The following CASD1 variants were observed in gnomAD, a reference collection of about 807,000 sequenced individuals.
CASD1 encodes N-acetylneuraminate (7)9-O-acetyltransferase.
Under a neutral mutation model 100.0 loss-of-function variants are expected in CASD1, and 41 were observed. The observed-to-expected ratio is 0.41, with a 90% CI of 0.32 to 0.53. CASD1 has a LOEUF of 0.53. Ranked by LOEUF, CASD1 falls within the 20% of genes least tolerant of loss-of-function variation. The probability of loss-of-function intolerance (pLI) is 0.25; values close to 1 mark genes in which losing one functional copy is unlikely to be tolerated. For missense variants in CASD1, 774 were observed against 948.7 expected, an observed-to-expected ratio of 0.82 and a Z score of 2.42; for synonymous variants, 321 against 315.6, an observed-to-expected ratio of 1.02 and a Z score of -0.18.
At chr7:94,629,647 A>G in the CASD1 span, 4 of 1,275,556 alleles carry the variant, frequency 3.1e-6, no homozygotes, top group Non-Finnish European at 4.6e-6. Flanking sequence ...TTTATCATAT[A>G]TGTCTATATT....
At chr7:94,598,889 A>G in the CASD1 span, 2 of 1,613,048 alleles carry the variant, frequency 1.2e-6, no homozygotes, top group East Asian at 2.2e-5. Flanking sequence ...GGGCCATGCT[A>G]TCTCTCTATT....
rs1330723435 is a variant in CASD1 at position 94,510,031 on chromosome 7, T to TGTGCGGCGCCCCTTTCCCG, written c.-53_-35dup. On this transcript the variant is annotated 5_prime_UTR_variant, in exon 1 of 18. Coordinates refer to ENST00000297273, the MANE Select transcript of CASD1 (RefSeq NM_022900.5). ...GCGGCGGCAGCCCCAGTGCTGCCCC[T>TGTGCGGCGCCCCTTTCCCG]GTGCGGCGCCCCTTTCCCGCTCCGC... 1.5e-5 allele frequency: 22 copies of TGTGCGGCGCCCCTTTCCCG among 1,452,602 alleles called. No individual in the cohort carries two copies. In the African/African-American group the frequency reaches 2.8e-4, roughly 19 times the overall value. The allele number at this position is 1,452,602 out of a possible 1,614,324, so 90.0% of individuals were successfully genotyped here.
the CASD1 span, chr7:94,628,267 A>G: frequency 2.5e-6 from 4 of 1,611,868 alleles, no homozygotes; most frequent in Non-Finnish European, 2.5e-6. Context: ...CCATCACTAT[A>G]TGGTGTCCTT....
the CASD1 span, among the ~76,000 whole-genome samples, chr7:94,573,923 G>A: frequency 6.6e-6 from 1 of 152,114 alleles, no homozygotes; most frequent in African/African-American, 2.4e-5. Flanking sequence ...AGTTTATTGG[G>A]AGTTTTTAAT....
chr7:94,574,174 T>G, the CASD1 span, among the ~76,000 whole-genome samples: 1 of 152,212 alleles, frequency 6.6e-6, no homozygotes, highest in African/African-American at 2.4e-5. Context: ...TCAAGGATAT[T>G]GGCCTGCAGT....
At chr7:94,628,134 C>A in the CASD1 span, 42 of 1,075,512 alleles carry the variant, frequency 3.9e-5, no homozygotes, top group Middle Eastern at 4.9e-4. Context: ...ACTCAAATTA[C>A]AATACACACA....
At chr7:94,630,650 C>A in the CASD1 span, among the ~76,000 whole-genome samples, 35 of 151,840 alleles carry the variant, frequency 2.3e-4, no homozygotes, top group Middle Eastern at 6.3e-3. Flanking sequence ...ATTGTTTTTG[C>A]TCTGATAGCA....
At position 94,539,668 on chromosome 7, in the gene CASD1, C is replaced by CAAAAAAAA. The variant is rs71120400; in HGVS notation, c.1356+621_1356+628dup. Among the ~76,000 whole-genome samples, 5 of 119,746 alleles carry CAAAAAAAA rather than the reference C, an allele frequency of 4.2e-5. 2 individuals are homozygous for CAAAAAAAA. Among genetic ancestry groups the CAAAAAAAA allele is most frequent in the African/African-American group, 7.2e-5 (2 of 27,770 alleles). 78.6% of individuals were successfully genotyped at this position (119,746 alleles called of 152,430 possible). A position where few individuals can be genotyped will look rare whatever the true frequency, so the allele number is the denominator to read the frequency against. ...TGGGTTGCAGAGTGAGACTCCGTCT[C>CAAAAAAAA]AAAAAAAAAAAAAAAAGAAAAAAGG... On this transcript the variant is annotated intron_variant, in intron 10 of 17. Coordinates refer to ENST00000297273, the MANE Select transcript of CASD1 (RefSeq NM_022900.5).
At chr7:94,538,828 C>G (rs114714145) in intron 9 of CASD1, 139 bp from the exon 10 acceptor site, 4 of 438,722 alleles carry the variant, frequency 9.1e-6, no homozygotes, top group African/African-American at 4.1e-5. Flanking sequence ...CAGTTTTTAA[C>G]TGTTTCTCAC....
chr7:94,587,203 C>G, the CASD1 span: 1 of 985,358 alleles, frequency 1.0e-6, no homozygotes, highest in Non-Finnish European at 1.2e-6. Flanking sequence ...TGGAAGTGCT[C>G]TGTATTACTA....
chr7:94,523,041 G>A (rs558109779), intron 3 of CASD1, among the ~76,000 whole-genome samples: 1 of 152,142 alleles, frequency 6.6e-6, no homozygotes, highest in Non-Finnish European at 1.5e-5. Context: ...TTGCTTTAAG[G>A]TAAGTTACTT....
At position 94,544,423 on chromosome 7, in the gene CASD1, T is replaced by C; in HGVS notation, c.1369T>C (p.Tyr457His). The stretch of plus-strand genomic sequence containing the variant: ...TCTTTGTCAACAGTTTTTGCCTGTA[T>C]ACATGCACATTCGAGTTCTGGTTGC... ...ISGASTFLPV[Y>H]MHIRVLVAAY... The change falls in exon 11 of 18, where the codon TAC becomes CAC. Residue 457 changes from tyrosine to histidine, a missense_variant. This residue lies in a region of CASD1 where 453 missense variants were observed against 532.6 expected (regional missense o/e 0.85). Transcript: ENST00000297273. 6.2e-7 allele frequency: 1 copy of C among 1,613,278 alleles called. No homozygotes were observed. The highest frequency in any genetic ancestry group is 1.1e-5 in the South Asian group (1 of 91,008).
intron 13 of CASD1, among the ~76,000 whole-genome samples, chr7:94,548,919 C>T (rs1795811543): frequency 6.6e-6 from 1 of 151,920 alleles, no homozygotes; most frequent in Non-Finnish European, 1.5e-5. Context: ...TAAGAGGGTA[C>T]TATTCACTAA....
At chr7:94,623,535 C>T in the CASD1 span, 26 of 644,040 alleles carry the variant, frequency 4.0e-5, no homozygotes, top group Non-Finnish European at 6.3e-5. Flanking sequence ...TATTCCTTCT[C>T]TGGGCAATGA....
the CASD1 span, chr7:94,588,578 GT>G: frequency 9.1e-6 from 14 of 1,544,394 alleles, no homozygotes; most frequent in African/African-American, 1.4e-5. Flanking sequence ...TGACACAAGT[GT>G]TTTGCCTTAT....
At chr7:94,549,978 T>G (rs1049961201) in intron 14 of CASD1, among the ~76,000 whole-genome samples, 4 of 152,116 alleles carry the variant, frequency 2.6e-5, no homozygotes, top group Non-Finnish European at 5.9e-5. Context: ...TAGATGTTGA[T>G]GCCATGAAGT....
intron 14 of CASD1, among the ~76,000 whole-genome samples, chr7:94,550,224 GATAATA>G (rs1223840015): frequency 6.6e-6 from 1 of 152,074 alleles, no homozygotes; most frequent in African/African-American, 2.4e-5. Context: ...TTGGAAAACT[GATAATA>G]ACTATTAATT....
the CASD1 span, among the ~76,000 whole-genome samples, chr7:94,567,111 C>CT: frequency 4.5e-4 from 65 of 145,038 alleles, no homozygotes; most frequent in East Asian, 2.8e-3. Context: ...TGCTTCCATC[C>CT]TTTTTTTTTT....
chr7:94,559,949 T>A (rs1046695631), downstream of CASD1, among the ~76,000 whole-genome samples: 2 of 152,246 alleles, frequency 1.3e-5, no homozygotes, highest in Admixed American at 6.5e-5. Flanking sequence ...TATGTTATAT[T>A]AAAAGCTTAT....
Sources: allele counts gnomAD v4.1 joint callset (sites outside exome capture counted in the v4.1 genomes callset), GRCh38; gene constraint gnomAD v4.1.1; regional missense constraint gnomAD v4.1.1; transcripts MANE v1.5; gene names NCBI Gene and HGNC (gene_info 2026-07-23, HGNC 2026-07-21).